Variants in DPP10 observed in about 807,000 individuals in gnomAD.
The protein encoded by DPP10 is dipeptidyl peptidase like 10.
Under a neutral mutation model 120.9 loss-of-function variants are expected in DPP10, and 33 were observed. That is an observed-to-expected ratio of 0.27 (90% CI 0.21 to 0.37). The LOEUF is 0.37. DPP10 is among the 10% of genes least tolerant of loss of function. The pLI, the probability that DPP10 is intolerant of heterozygous loss-of-function variation, is 1.00. For missense variants in DPP10, 816 were observed against 942.8 expected, an observed-to-expected ratio of 0.87 and a Z score of 1.76; for synonymous variants, 337 against 326.1, an observed-to-expected ratio of 1.03 and a Z score of -0.36.
At chr2:115,488,880 T>TAAAAAAAA (rs35020299) in intron 3 of DPP10, among the ~76,000 whole-genome samples, 6 of 126,692 alleles carry the variant, frequency 4.7e-5, no homozygotes, top group Non-Finnish European at 8.2e-5. Context: ...TAGAGTATAA[T>TAAAAAAAA]AAAAAAAAAA....
intron 1 of DPP10, among the ~76,000 whole-genome samples, chr2:114,762,378 AAAC>A (rs1680360138): frequency 6.6e-6 from 1 of 152,214 alleles, no homozygotes; most frequent in African/African-American, 2.4e-5. Flanking sequence ...ATAATGGTAT[AAAC>A]AACTAAGAAG....
intron 7 of DPP10, among the ~76,000 whole-genome samples, chr2:115,719,819 C>T (rs577532136): frequency 1.3e-5 from 2 of 152,106 alleles, no homozygotes; most frequent in Non-Finnish European, 2.9e-5. Flanking sequence ...AACTGATCCT[C>T]GTGAACACTT....
chr2:114,710,682 T>C (rs1574017871), intron 1 of DPP10, among the ~76,000 whole-genome samples: 1 of 151,986 alleles, frequency 6.6e-6, no homozygotes, highest in South Asian at 2.1e-4. Context: ...GAGACGGAGG[T>C]TGCAGACAGT....
chr2:115,006,366 A>C (rs149717657), intron 1 of DPP10, among the ~76,000 whole-genome samples: 80,411 of 151,352 alleles, frequency 0.53, 22,214 homozygotes, highest in East Asian at 0.65. Flanking sequence ...CACACATAAC[A>C]CTATTAACTT....
At chr2:115,213,901 A>G (rs1479441462) in intron 1 of DPP10, among the ~76,000 whole-genome samples, 1 of 152,194 alleles carries the variant, frequency 6.6e-6, no homozygotes, top group Non-Finnish European at 1.5e-5. Context: ...ACACTGACTG[A>G]GGTTCCTAAG....
At chr2:115,654,864 A>G (rs982927501) in intron 5 of DPP10, among the ~76,000 whole-genome samples, 1 of 151,762 alleles carries the variant, frequency 6.6e-6, no homozygotes, top group African/African-American at 2.4e-5. Flanking sequence ...TGATAGGGTC[A>G]TTAGAGTAAC....
intron 1 of DPP10, among the ~76,000 whole-genome samples, chr2:115,248,339 C>A (rs1386574354): frequency 6.6e-6 from 1 of 152,144 alleles, no homozygotes; most frequent in Non-Finnish European, 1.5e-5. Flanking sequence ...TCATTCAGAC[C>A]TGGCTCGTGG....
chr2:115,057,996 A>G (rs1200886628), intron 1 of DPP10, among the ~76,000 whole-genome samples: 1 of 152,210 alleles, frequency 6.6e-6, no homozygotes, highest in Non-Finnish European at 1.5e-5. Context: ...CAAAGAACTA[A>G]GAATGCTTTG....
In DPP10 at chr2:114,990,925, A is replaced by G. The variant is rs565033094; in HGVS notation, c.61-318314A>G. Among the ~76,000 whole-genome samples, 3 of 152,294 alleles carry G rather than the reference A, an allele frequency of 2.0e-5. No individual in the cohort carries two copies. In the East Asian group the frequency reaches 5.8e-4, roughly 29 times the overall value. ...TCAGCTATTCTCACAAGATTTTAAT[A>G]GGCTTTTACTGGCACTTAACATTTA... On this transcript the variant is annotated intron_variant, in intron 1 of 25. Transcript: ENST00000410059.
At chr2:115,106,514 C>T (rs771078270) in intron 1 of DPP10, among the ~76,000 whole-genome samples, 10 of 152,144 alleles carry the variant, frequency 6.6e-5, no homozygotes, top group Non-Finnish European at 1.2e-4. Context: ...AACTGAAGTG[C>T]AGTGGTGTGA....
chr2:114,717,785 A>C (rs146949651), intron 1 of DPP10, among the ~76,000 whole-genome samples: 6 of 152,336 alleles, frequency 3.9e-5, no homozygotes, highest in African/African-American at 1.4e-4. Context: ...GGATTAGAGA[A>C]AACAGTACTT....
chr2:115,403,233 A>C (rs919085693), intron 3 of DPP10, among the ~76,000 whole-genome samples: 1 of 151,900 alleles, frequency 6.6e-6, no homozygotes, highest in African/African-American at 2.4e-5. Context: ...ACAATTAACT[A>C]TACGGAAAAA....
At chr2:114,988,032 C>T (rs1298716518) in intron 1 of DPP10, among the ~76,000 whole-genome samples, 1 of 151,886 alleles carries the variant, frequency 6.6e-6, no homozygotes, top group South Asian at 2.1e-4. Flanking sequence ...TCTCGATCTC[C>T]TGACCTCGTG....
chr2:115,791,462 T>TA, intron 19 of DPP10, 106 bp downstream of exon 19: 1 of 973,786 alleles, frequency 1.0e-6, no homozygotes, highest in African/African-American at 1.7e-5. Flanking sequence ...CCTATGTGTG[T>TA]AGTTAATCAG....
chr2:114,994,338 A>G (rs962746608), intron 1 of DPP10, among the ~76,000 whole-genome samples: 1 of 152,204 alleles, frequency 6.6e-6, no homozygotes, highest in African/African-American at 2.4e-5. Context: ...ATTAGATCAG[A>G]TACATAGATG....
At chr2:114,621,146 A>T (rs1694063850) in intron 1 of DPP10, among the ~76,000 whole-genome samples, 1 of 152,090 alleles carries the variant, frequency 6.6e-6, no homozygotes, top group Non-Finnish European at 1.5e-5. Flanking sequence ...ATTGAAAATG[A>T]AACAAGAATC....
chr2:114,934,793 G>A (rs935722714), intron 1 of DPP10, among the ~76,000 whole-genome samples: 1 of 152,140 alleles, frequency 6.6e-6, no homozygotes. Flanking sequence ...GGGTTGAGGG[G>A]AGGAGGTAAG....
At chr2:114,635,491 T>A (rs1391383570) in intron 1 of DPP10, among the ~76,000 whole-genome samples, 2 of 151,996 alleles carry the variant, frequency 1.3e-5, no homozygotes, top group Non-Finnish European at 2.9e-5. Context: ...ATTAACTAGC[T>A]AATTTATATG....
intron 1 of DPP10, among the ~76,000 whole-genome samples, chr2:114,749,906 G>A (rs1679040796): frequency 6.6e-6 from 1 of 152,052 alleles, no homozygotes; most frequent in Non-Finnish European, 1.5e-5. Context: ...AAATAATTTA[G>A]GCTACAAAGG....
Sources: allele counts gnomAD v4.1 joint callset (sites outside exome capture counted in the v4.1 genomes callset), GRCh38; gene constraint gnomAD v4.1.1; transcripts MANE v1.5; gene names NCBI Gene and HGNC (gene_info 2026-07-23, HGNC 2026-07-21).